Variants in BCKDHA observed in about 807,000 individuals in gnomAD.
BCKDHA encodes the protein 2-oxoisovalerate dehydrogenase subunit alpha, mitochondrial.
BCKDHA carries 43 observed loss-of-function variants against 52.2 expected under a neutral mutation model. The ratio of observed to expected loss-of-function variants is 0.82; its 90% CI spans 0.64 to 1.06. The LOEUF is 1.06. Among genes scored for constraint, BCKDHA ranks in the 50% least tolerant of loss-of-function variants. The probability of loss-of-function intolerance (pLI) is 0.00; values close to 1 mark genes in which losing one functional copy is unlikely to be tolerated. For missense variants in BCKDHA, 527 were observed against 621.3 expected, an observed-to-expected ratio of 0.85 and a Z score of 1.61; for synonymous variants, 234 against 247.9, an observed-to-expected ratio of 0.94 and a Z score of 0.53.
chr19:41,413,931 G>C, intron 3 of BCKDHA, 118 bp from the exon 4 acceptor site: 1 of 872,002 alleles, frequency 1.1e-6, no homozygotes, highest in South Asian at 1.4e-5. Context: ...GCCCAGGACT[G>C]GCCTTCAGGA....
At chr19:41,404,536 G>A (rs746869359) in intron 1 of BCKDHA, among the ~76,000 whole-genome samples, 2 of 151,818 alleles carry the variant, frequency 1.3e-5, no homozygotes, top group Non-Finnish European at 1.5e-5. Flanking sequence ...TGATCCGCCC[G>A]CCTCGGTCTC....
At position 41,422,813 on chromosome 19, in the gene BCKDHA, G is replaced by T. The variant is rs755482513; in HGVS notation, c.995+43G>T. On this transcript the variant is annotated intron_variant, in intron 7 of 8. Transcript: ENST00000269980. The stretch of plus-strand genomic sequence containing the variant: ...CGTCAGCACCCCCACAGCACTGACA[G>T]CCACCGTAGCATCTTCCTCATATCG... The T allele has an allele frequency of 3.1e-6, 5 of 1,611,286 alleles. No homozygotes were observed. In the African/African-American group the frequency reaches 6.7e-5, roughly 22 times the overall value.
chr19:41,418,627 G>C (rs1268607003), intron 4 of BCKDHA: 1 of 391,658 alleles, frequency 2.6e-6, no homozygotes, highest in Non-Finnish European at 5.0e-6. Flanking sequence ...GAACTTCTGG[G>C]CTGAAGCAAT....
rs376894084 is a variant in BCKDHA at position 41,410,826 on chromosome 19, G to A, written c.288+10G>A. The A allele has an allele frequency of 6.1e-4, 979 of 1,614,010 alleles. 12 individuals carry two copies. In the South Asian group the frequency reaches 1.0e-2, roughly 16 times the overall value. The stretch of plus-strand genomic sequence containing the variant: ...CAGCGAGGACCCCCACGTGAGAGGC[G>A]GCCTCCCCCACTTCCCGTGCCCCCC... On this transcript the variant is annotated intron_variant, in intron 2 of 8. Transcript: ENST00000269980.
intron 1 of BCKDHA, 37 bp from the exon 2 acceptor site, chr19:41,410,600 T>C (rs1301831250): frequency 6.2e-7 from 1 of 1,613,212 alleles, no homozygotes; most frequent in East Asian, 2.2e-5. Flanking sequence ...TGGGTGCTGC[T>C]TCTGATGCAG....
At chr19:41,413,938 A>T in intron 3 of BCKDHA, 111 bp from the exon 4 acceptor site, 1 of 932,900 alleles carries the variant, frequency 1.1e-6, no homozygotes, top group East Asian at 2.4e-5. Flanking sequence ...ACTGGCCTTC[A>T]GGAGGACTGT....
At chr19:41,409,510 A>G (rs2039228553) in intron 1 of BCKDHA, among the ~76,000 whole-genome samples, 2 of 152,136 alleles carry the variant, frequency 1.3e-5, no homozygotes, top group South Asian at 2.1e-4. Flanking sequence ...CTGGGCTCGC[A>G]GAGGGAGCTG....
chr19:41,407,124 C>T (rs1260249087), intron 1 of BCKDHA, among the ~76,000 whole-genome samples: 4 of 152,224 alleles, frequency 2.6e-5, no homozygotes, highest in East Asian at 3.8e-4. Context: ...CTTTCTCCCA[C>T]TTCTCACCTT....
At chr19:41,406,902 A>G (rs2241706) in intron 1 of BCKDHA, among the ~76,000 whole-genome samples, 99,977 of 151,990 alleles carry the variant, frequency 0.66, 33,980 homozygotes, top group African/African-American at 0.83. Context: ...TTCAGAGACG[A>G]GGGTTTTGCC....
At chr19:41,399,968 T>C (rs117607126) in intron 1 of BCKDHA, 1,923 of 152,008 alleles carry the variant, frequency 0.013, 25 homozygotes, top group Non-Finnish European at 0.019. Flanking sequence ...GTATTTTTGG[T>C]AGGGACGAGG....
intron 4 of BCKDHA, among the ~76,000 whole-genome samples, chr19:41,415,680 G>C (rs1399086401): frequency 6.7e-6 from 1 of 150,176 alleles, no homozygotes; most frequent in African/African-American, 2.5e-5. Flanking sequence ...ATGGAATCTC[G>C]CTCTGTTGCC....
At chr19:41,423,832 C>CA (rs5828107) in intron 8 of BCKDHA, among the ~76,000 whole-genome samples, 95,319 of 147,054 alleles carry the variant, frequency 0.65, 31,440 homozygotes, top group African/African-American at 0.79. Flanking sequence ...GACTCCATCT[C>CA]AAAAAAAAAA....
Position 41,410,871 on chromosome 19 carries a change from G to A in BCKDHA, c.289-52G>A, listed in dbSNP as rs1422940230. The A allele has an allele frequency of 6.2e-6, 10 of 1,613,592 alleles. No individual in the cohort carries two copies. In the East Asian group the frequency reaches 2.2e-4, roughly 36 times the overall value. ...CCCCCCACGCCCAGGCCCCTTGCCT[G>A]TCTCCTCTCTGGTCCCAACTGCCCC... On this transcript the variant is annotated intron_variant, in intron 2 of 8. Transcript: ENST00000269980.
intron 1 of BCKDHA, among the ~76,000 whole-genome samples, chr19:41,409,629 T>C (rs1599952335): frequency 6.6e-6 from 1 of 152,176 alleles, no homozygotes; most frequent in East Asian, 1.9e-4. Context: ...TGAGAATTGC[T>C]AAGATTGTTT....
intron 1 of BCKDHA, 143 bp downstream of exon 1, chr19:41,398,078 C>A: frequency 1.5e-6 from 1 of 683,688 alleles, no homozygotes; most frequent in Non-Finnish European, 2.4e-6. Context: ...GAGAAGACAC[C>A]GAAGGGAAGA....
intron 1 of BCKDHA, among the ~76,000 whole-genome samples, chr19:41,400,174 C>A (rs1056297227): frequency 5.3e-4 from 80 of 151,986 alleles, no homozygotes; most frequent in Non-Finnish European, 1.3e-4. Context: ...TCAAGCAATC[C>A]CCCCACCTCC....
At chr19:41,412,789 C>T (rs1255877957) in intron 3 of BCKDHA, among the ~76,000 whole-genome samples, 4 of 152,090 alleles carry the variant, frequency 2.6e-5, no homozygotes, top group Admixed American at 1.3e-4. Context: ...CTGCAACCTC[C>T]GCCTCCCAGG....
intron 4 of BCKDHA, chr19:41,418,710 T>C (rs2122133360): frequency 2.2e-6 from 1 of 446,174 alleles, no homozygotes. Context: ...TTTTGATTTT[T>C]TTTTTTTTTT....
rs1185371938 is a variant in BCKDHA at position 41,408,455 on chromosome 19, C to T, written c.109-2182C>T. On this transcript the variant is annotated intron_variant, in intron 1 of 8. Transcript: ENST00000269980. ...TCATAAGGGGGAGCTATTGCAACGC[C>T]TCGGCTGGTTCTAGGCTGCCTAGCT... Among the ~76,000 whole-genome samples, 14 of 152,206 alleles carry T rather than the reference C, an allele frequency of 9.2e-5. No homozygotes were observed. The East Asian group carries it at 2.5e-3, about 27-fold the overall frequency.
Sources: gnomAD v4.1 joint callset for allele counts (sites outside exome capture counted in the v4.1 genomes callset) on GRCh38, gnomAD v4.1.1 for gene constraint, MANE v1.5 for transcripts, NCBI Gene and HGNC (gene_info 2026-07-23, HGNC 2026-07-21) for gene names.